PRKG1: variants seen among roughly 807,000 people sequenced by gnomAD.
PRKG1 encodes cGMP-dependent protein kinase 1.
PRKG1 carries 35 observed loss-of-function variants against 88.1 expected under a neutral mutation model. The ratio of observed to expected loss-of-function variants is 0.40; its 90% CI spans 0.30 to 0.53. The LOEUF is 0.53. Ranked by LOEUF, PRKG1 falls within the 20% of genes least tolerant of loss-of-function variation. The probability of loss-of-function intolerance (pLI) is 0.59; values close to 1 mark genes in which losing one functional copy is unlikely to be tolerated. For missense variants in PRKG1, 540 were observed against 839.8 expected, an observed-to-expected ratio of 0.64 and a Z score of 4.41; for synonymous variants, 303 against 292.5, an observed-to-expected ratio of 1.04 and a Z score of -0.37.
intron 5 of PRKG1, among the ~76,000 whole-genome samples, chr10:52,014,689 C>A (rs11000464): frequency 2.6e-5 from 4 of 152,164 alleles, no homozygotes; most frequent in Non-Finnish European, 5.9e-5. Flanking sequence ...AACTAAGAGC[C>A]TGTAAAATAA....
At chr10:51,082,035 C>T (rs751031765) in intron 1 of PRKG1, among the ~76,000 whole-genome samples, 1 of 152,164 alleles carries the variant, frequency 6.6e-6, no homozygotes. Context: ...GCTGGGAATA[C>T]ATATGTAAGC....
intron 3 of PRKG1, among the ~76,000 whole-genome samples, chr10:51,798,296 C>A (rs1010599977): frequency 3.3e-5 from 5 of 152,080 alleles, no homozygotes; most frequent in African/African-American, 1.2e-4. Flanking sequence ...TTATCCACAT[C>A]GTCACCAACA....
intron 3 of PRKG1, among the ~76,000 whole-genome samples, chr10:51,531,282 A>G (rs777333424): frequency 6.6e-6 from 1 of 152,196 alleles, no homozygotes; most frequent in Non-Finnish European, 1.5e-5. Flanking sequence ...TAAAGGAACT[A>G]TGGTAACTTT....
intron 9 of PRKG1, among the ~76,000 whole-genome samples, chr10:52,230,189 A>G (rs1840488782): frequency 6.6e-6 from 1 of 152,204 alleles, no homozygotes; most frequent in African/African-American, 2.4e-5. Flanking sequence ...TGCCTACATT[A>G]ACTTTATATA....
At chr10:51,529,996 T>C (rs1841979624) in intron 3 of PRKG1, among the ~76,000 whole-genome samples, 1 of 152,218 alleles carries the variant, frequency 6.6e-6, no homozygotes, top group Non-Finnish European at 1.5e-5. Flanking sequence ...GCTTGCTCTC[T>C]TTTTTAACTA....
At chr10:51,614,366 A>G (rs1258737741) in intron 3 of PRKG1, among the ~76,000 whole-genome samples, 3 of 151,710 alleles carry the variant, frequency 2.0e-5, no homozygotes, top group African/African-American at 7.3e-5. Context: ...CTTTACTTTC[A>G]ATTTATATGT....
chr10:51,001,992 A>G (rs1406642375), intron 1 of PRKG1, among the ~76,000 whole-genome samples: 1 of 151,894 alleles, frequency 6.6e-6, no homozygotes, highest in Non-Finnish European at 1.5e-5. Context: ...TTTGGGGAAT[A>G]TATTTAAAAA....
intron 2 of PRKG1, among the ~76,000 whole-genome samples, chr10:51,391,418 TTCTC>T (rs1347876002): frequency 6.6e-6 from 1 of 152,196 alleles, no homozygotes; most frequent in Non-Finnish European, 1.5e-5. Context: ...TTCTTTAGGT[TTCTC>T]TCTATGTTTA....
At chr10:52,221,573 A>G (rs1284957033) in intron 9 of PRKG1, among the ~76,000 whole-genome samples, 3 of 152,192 alleles carry the variant, frequency 2.0e-5, no homozygotes, top group East Asian at 3.8e-4. Flanking sequence ...AAACCAGAAT[A>G]TGAACTAGGT....
chr10:51,998,402 ACT>A (rs1186720166), intron 5 of PRKG1, among the ~76,000 whole-genome samples: 8 of 151,390 alleles, frequency 5.3e-5, no homozygotes, highest in Admixed American at 5.3e-4. Flanking sequence ...AGGCTGAAAC[ACT>A]CTAAATGTTC....
chr10:52,154,361 G>C (rs914500649), intron 8 of PRKG1, among the ~76,000 whole-genome samples: 1 of 152,084 alleles, frequency 6.6e-6, no homozygotes, highest in African/African-American at 2.4e-5. Context: ...CTTGCGCTTG[G>C]ATGTCTCAGC....
chr10:52,097,799 T>C (rs919367288), intron 7 of PRKG1, among the ~76,000 whole-genome samples: 1 of 151,824 alleles, frequency 6.6e-6, no homozygotes, highest in Non-Finnish European at 1.5e-5. Context: ...AGATTGCTGA[T>C]AGCTTTTTAA....
chr10:51,789,668 G>A (rs372929061), intron 3 of PRKG1, among the ~76,000 whole-genome samples: 375 of 152,242 alleles, frequency 2.5e-3, no homozygotes, highest in African/African-American at 8.4e-3. Flanking sequence ...ATATGTATGA[G>A]TTATTCATTC....
At chr10:51,563,350 C>T (rs147609845) in intron 3 of PRKG1, among the ~76,000 whole-genome samples, 1 of 152,082 alleles carries the variant, frequency 6.6e-6, no homozygotes, top group African/African-American at 2.4e-5. Flanking sequence ...ATTGAATATG[C>T]TATTTATCCT....
intron 2 of PRKG1, among the ~76,000 whole-genome samples, chr10:51,248,823 A>T (rs10996319): frequency 0.19 from 29,166 of 151,592 alleles, 5,441 homozygotes; most frequent in African/African-American, 0.49. Context: ...CAACTAATGA[A>T]CATTACAACT....
At chr10:51,663,213 A>G (rs1394738201) in intron 3 of PRKG1, among the ~76,000 whole-genome samples, 2 of 152,110 alleles carry the variant, frequency 1.3e-5, no homozygotes, top group East Asian at 3.9e-4. Flanking sequence ...TTTGATATGA[A>G]AAGTGAAGAT....
chr10:51,616,584 G>T (rs932922968), intron 3 of PRKG1, among the ~76,000 whole-genome samples: 1 of 152,068 alleles, frequency 6.6e-6, no homozygotes, highest in African/African-American at 2.4e-5. Context: ...TGATGGAATG[G>T]GCTGGGAAAT....
chr10:51,134,020 A>G (rs1221685136), intron 1 of PRKG1, among the ~76,000 whole-genome samples: 2 of 152,194 alleles, frequency 1.3e-5, no homozygotes, highest in African/African-American at 4.8e-5. Flanking sequence ...AACTTATAAG[A>G]AAGCAAAACT....
intron 2 of PRKG1, among the ~76,000 whole-genome samples, chr10:51,191,647 C>T (rs1485076501): frequency 2.0e-5 from 3 of 151,778 alleles, no homozygotes; most frequent in Non-Finnish European, 4.4e-5. Flanking sequence ...ATTTAATCCT[C>T]ATACCAAACC....
Sources: allele counts gnomAD v4.1 joint callset (sites outside exome capture counted in the v4.1 genomes callset), GRCh38; gene constraint gnomAD v4.1.1; transcripts MANE v1.5; gene names NCBI Gene and HGNC (gene_info 2026-07-23, HGNC 2026-07-21).